The following ZNF775 variants were observed in gnomAD, a reference collection of about 807,000 sequenced individuals.
The protein encoded by ZNF775 is zinc finger protein 775.
ZNF775 carries 1 observed loss-of-function variant against 2.4 expected under a neutral mutation model. The observed-to-expected ratio is 0.41, with a 90% CI of 0.15 to 1.94. The LOEUF is 1.94. Among genes scored for constraint, ZNF775 ranks in the 30% most tolerant of loss-of-function variants. The pLI is 0.30. For synonymous variants in ZNF775, 381 were observed against 373.3 expected (o/e 1.02, Z -0.24); for missense variants, 823 against 826.6 (o/e 1.00, Z 0.05).
chr7:150,393,806 T>C (rs113509267), intron 2 of ZNF775, among the ~76,000 whole-genome samples: 24 of 152,278 alleles, frequency 1.6e-4, no homozygotes, highest in African/African-American at 5.1e-4. Context: ...GTAGCTGGGA[T>C]AACAGGTGCC....
At chr7:150,389,904 TGTGTGTGTGTGTG>T (rs759644460) in intron 2 of ZNF775, among the ~76,000 whole-genome samples, 1 of 68,180 alleles carries the variant, frequency 1.5e-5, no homozygotes, top group Non-Finnish European at 2.9e-5. Context: ...TGTGTGTGTG[TGTGTGTGTGTGTG>T]TGTTATGGCA....
At chr7:150,396,163 C>T (rs1800645195) in intron 2 of ZNF775, among the ~76,000 whole-genome samples, 1 of 152,170 alleles carries the variant, frequency 6.6e-6, no homozygotes, top group African/African-American at 2.4e-5. Flanking sequence ...TCTGCATCTC[C>T]TCGGCCTCAG....
In ZNF775 at chr7:150,397,018, C is replaced by T. The variant is rs750340529; in HGVS notation, c.537C>T (p.Leu179=). ...ARRFSQKQHL[L]KHQKTHSRPA... is the part of the protein sequence containing the mutation. Reference sequence around the variant, plus strand: ...GCTTCAGCCAGAAGCAGCACCTGCTCAAGCACCAGAAGACCCACTCCCGGC... The same window carrying T: ...GCTTCAGCCAGAAGCAGCACCTGCTTAAGCACCAGAAGACCCACTCCCGGC... Residue 179 remains leucine, a synonymous_variant, in exon 3 of 3, where the codon CTC becomes CTT. Transcript: ENST00000329630. 13 of 1,598,362 alleles carry T rather than the reference C, an allele frequency of 8.1e-6. No homozygotes were observed. The African/African-American group carries it at 1.5e-4, about 18-fold the overall frequency.
At position 150,396,759 on chromosome 7, in the gene ZNF775, C is replaced by G; in HGVS notation, c.278C>G (p.Ser93Cys). The change falls in exon 3 of 3, where the codon TCC (serine) becomes TGC (cysteine). Residue 93 changes from serine to cysteine, a missense_variant. Transcript: ENST00000329630. ...GLAGRAPGSASGPLSPSLSSG... is the reference protein window; with the variant it reads ...GLAGRAPGSACGPLSPSLSSG... ...GCAGGCCGGGCTCCCGGGTCAGCCT[C>G]CGGCCCCCTGAGCCCCTCGCTTTCC... 6.3e-7 allele frequency: 1 copy of G among 1,589,182 alleles called. No homozygotes were observed. Among genetic ancestry groups the G allele is most frequent in the Admixed American group, 1.8e-5 (1 of 56,290 alleles).
intron 1 of ZNF775, chr7:150,380,088 T>A (rs1478117948): frequency 6.6e-6 from 1 of 152,198 alleles, no homozygotes; most frequent in Non-Finnish European, 1.5e-5. Flanking sequence ...TTCGGCCCTT[T>A]GAGCAAGATG....
chr7:150,382,817 G>A lies in ZNF775; in HGVS notation c.-50+3425G>A, dbSNP rs1158515765. ...ACTTATGGCCCCGGCCTCCTGGCTC[G>A]ATGAGGGTATGTTGCTTCTGTTTCT... On this transcript the variant is annotated intron_variant, in intron 1 of 2. Coordinates refer to ENST00000329630, the MANE Select transcript of ZNF775 (RefSeq NM_173680.4). The surrounding 1 kb of genome is among the most constrained non-coding windows in gnomAD (Gnocchi z 4.6). 2 of 152,368 alleles carry A rather than the reference G, an allele frequency of 1.3e-5. No homozygotes were observed. The highest frequency in any genetic ancestry group is 2.4e-5 in the African/African-American group (1 of 41,454). The allele number at this position is 152,368 out of a possible 1,614,324, so 9.4% of individuals were successfully genotyped here.
intron 2 of ZNF775, among the ~76,000 whole-genome samples, chr7:150,390,806 G>A (rs543265630): frequency 2.6e-4 from 40 of 152,164 alleles, no homozygotes; most frequent in African/African-American, 9.6e-4. Context: ...TGAACACGTG[G>A]GATGGAATTG....
intron 2 of ZNF775, among the ~76,000 whole-genome samples, chr7:150,388,844 C>T (rs548200839): frequency 1.3e-5 from 2 of 152,336 alleles, no homozygotes; most frequent in East Asian, 3.9e-4. Context: ...AAAACTGGCA[C>T]TCTAGGTAGG....
At chr7:150,390,776 G>A (rs768405531) in intron 2 of ZNF775, among the ~76,000 whole-genome samples, 2 of 152,224 alleles carry the variant, frequency 1.3e-5, no homozygotes, top group East Asian at 1.9e-4. Flanking sequence ...CTTTACACTC[G>A]TATGTCAGTA....
chr7:150,385,957 G>A (rs1800444983), intron 1 of ZNF775, among the ~76,000 whole-genome samples: 1 of 133,902 alleles, frequency 7.5e-6, no homozygotes, highest in Non-Finnish European at 1.8e-5. Context: ...TTGGCAGAAG[G>A]CTTATTTAGC....
intron 1 of ZNF775, among the ~76,000 whole-genome samples, chr7:150,388,066 C>T (rs978729148): frequency 1.3e-5 from 2 of 152,082 alleles, no homozygotes; most frequent in Non-Finnish European, 1.5e-5. Flanking sequence ...GCTTCTCAGG[C>T]GTGGTGTCCA....
At chr7:150,388,635 C>T (rs1800500001) in intron 2 of ZNF775, 134 bp downstream of exon 2, 12 of 1,016,118 alleles carry the variant, frequency 1.2e-5, no homozygotes, top group Non-Finnish European at 1.6e-5. Context: ...TGCAGAATTT[C>T]AGGGTGGGGA....
Position 150,397,735 on chromosome 7 carries a change from C to T in ZNF775, c.1254C>T (p.Ser418=). Residue 418 remains serine (S), a synonymous_variant, in exon 3 of 3, where the codon AGC becomes AGT. Coordinates refer to ENST00000329630, the MANE Select transcript of ZNF775 (RefSeq NM_173680.4). ...CGGGCTTGGCCGCGAGGCCGCGGAGCTCCCAACGGTCCCCGGGGGCCCGGG... is the reference window on the plus strand; with the variant it reads ...CGGGCTTGGCCGCGAGGCCGCGGAGTTCCCAACGGTCCCCGGGGGCCCGGG... ...AIPGLAARPR[S]SQRSPGARDT... is the part of the protein sequence containing the mutation. 6.9e-7 allele frequency: 1 copy of T among 1,452,898 alleles called. No homozygotes were observed. The highest frequency in any genetic ancestry group is 9.0e-7 in the Non-Finnish European group (1 of 1,110,856). The allele number at this position is 1,452,898 out of a possible 1,614,324, so 90.0% of individuals were successfully genotyped here. A position where few individuals can be genotyped will look rare whatever the true frequency, so the allele number is the denominator to read the frequency against.
Position 150,397,214 on chromosome 7 carries a change from C to A in ZNF775, c.733C>A (p.Arg245=). 1 of 1,110,618 alleles carries A rather than the reference C, an allele frequency of 9.0e-7. No homozygotes were observed. The highest frequency in any genetic ancestry group is 1.1e-6 in the Non-Finnish European group (1 of 911,564). The allele number at this position is 1,110,618 out of a possible 1,614,324, so 68.8% of individuals were successfully genotyped here. A position where few individuals can be genotyped will look rare whatever the true frequency, so the allele number is the denominator to read the frequency against. The change falls in exon 3 of 3, where the codon CGG becomes AGG. Residue 245 remains arginine, a synonymous_variant. Coordinates refer to ENST00000329630, the MANE Select transcript of ZNF775 (RefSeq NM_173680.4). ...CTGTCGCCTGCAGCCGGGGCCGCCG[C>A]GGGGGCGCCCCGAGTGGGCCTGGCT... ...RACRLQPGPP[R]GRPEWAWLGL... is the part of the protein sequence containing the mutation.
intron 2 of ZNF775, among the ~76,000 whole-genome samples, chr7:150,390,668 C>T (rs1469742719): frequency 1.3e-5 from 2 of 152,106 alleles, no homozygotes; most frequent in Non-Finnish European, 2.9e-5. Flanking sequence ...GCATAGTATT[C>T]CATATTATGA....
chr7:150,381,141 G>A (rs965564236), intron 1 of ZNF775, among the ~76,000 whole-genome samples: 2 of 152,134 alleles, frequency 1.3e-5, no homozygotes, highest in Non-Finnish European at 2.9e-5. Context: ...TGTAAGTGCA[G>A]CTCTCGCCTC....
rs772392872 is a variant in ZNF775, at chr7:150,396,892, C to A, written c.411C>A (p.Cys137Ter). The change falls in exon 3 of 3, where the codon TGC becomes TGA. Residue 137 changes from cysteine (C) to a stop codon, truncating the protein, a stop_gained. Coordinates refer to ENST00000329630, the MANE Select transcript of ZNF775 (RefSeq NM_173680.4). LOFTEE classifies it low-confidence loss of function (END_TRUNC). Reference protein sequence around the residue: ...RTHTGEKPYLCGKCGKSFSQK... With the variant: ...RTHTGEKPYL Reference sequence around the variant, plus strand: ...ACACCGGGGAGAAGCCGTACCTCTGCGGCAAGTGCGGCAAGAGCTTCAGCC... The same window carrying A: ...ACACCGGGGAGAAGCCGTACCTCTGAGGCAAGTGCGGCAAGAGCTTCAGCC... The A allele has an allele frequency of 6.2e-7, 1 of 1,602,390 alleles. No individual in the cohort carries two copies. The highest frequency in any genetic ancestry group is 8.5e-7 in the Non-Finnish European group (1 of 1,179,726).
intron 2 of ZNF775, 138 bp from the exon 3 acceptor site, chr7:150,396,375 C>T: frequency 9.5e-7 from 1 of 1,049,426 alleles, no homozygotes; most frequent in Non-Finnish European, 1.3e-6. Flanking sequence ...TCTTTCCCTT[C>T]TGCCTTTTCT....
rs1163805366 is a variant in ZNF775, at chr7:150,397,295, C to G, written c.814C>G (p.Pro272Ala). 1 of 1,553,458 alleles carries G rather than the reference C, an allele frequency of 6.4e-7. No individual in the cohort carries two copies. The highest frequency in any genetic ancestry group is 2.4e-5 in the East Asian group (1 of 41,858). ...QPGARAAVSG[P>A]EGPGEPRQFI... is the part of the protein sequence containing the mutation. ...CGGGGCCCGGGCCGCGGTCTCCGGC[C>G]CCGAGGGGCCGGGCGAGCCGCGCCA... Residue 272 changes from proline to alanine, a missense_variant, in exon 3 of 3, where the codon CCC (proline) becomes GCC (alanine). Coordinates refer to ENST00000329630, the MANE Select transcript of ZNF775 (RefSeq NM_173680.4).
Sources: allele counts gnomAD v4.1 joint callset (sites outside exome capture counted in the v4.1 genomes callset), GRCh38; gene constraint gnomAD v4.1.1; non-coding constraint Gnocchi (gnomAD v3.1); transcripts MANE v1.5; gene names NCBI Gene and HGNC (gene_info 2026-07-23, HGNC 2026-07-21).